The following DLG2 variants were observed in gnomAD, a reference collection of about 807,000 sequenced individuals.
The protein encoded by DLG2 is disks large homolog 2.
A neutral mutation model predicts 132.5 loss-of-function variants in DLG2; 45 were observed. That is an observed-to-expected ratio of 0.34 (90% CI 0.27 to 0.44). The LOEUF (loss-of-function observed/expected upper bound fraction) is 0.44, where lower values mean the gene tolerates loss of function less well. DLG2 is among the 20% of genes least tolerant of loss of function. The pLI, the probability that DLG2 is intolerant of heterozygous loss-of-function variation, is 1.00. For missense variants in DLG2, 1,045 were observed against 1,196.9 expected (o/e 0.87, Z 1.87); for synonymous variants, 424 against 419.6 (o/e 1.01, Z -0.13).
rs1247198447 is a variant in DLG2 at position 85,121,390 on chromosome 11, AAT to A, written c.283-9657_283-9656del. On this transcript the variant is annotated intron_variant, in intron 5 of 27. Transcript: ENST00000376104. ...ATTCTTTTATAGTATATTTATGATA[AAT>A]ATGTTATATATATATTATAAAGTCA... Among the ~76,000 whole-genome samples, 23 of 150,778 alleles carry A rather than the reference AAT, an allele frequency of 1.5e-4. 2 individuals are homozygous for A. The highest frequency in any genetic ancestry group is 5.1e-4 in the African/African-American group (21 of 41,186).
chr11:85,607,099 G>C (rs2080620576), intron 2 of DLG2, among the ~76,000 whole-genome samples: 2 of 152,190 alleles, frequency 1.3e-5, no homozygotes, highest in Non-Finnish European at 2.9e-5. Context: ...CAAGTGGTGA[G>C]TACCATTGGA....
intron 20 of DLG2, among the ~76,000 whole-genome samples, chr11:83,541,214 A>G (rs2096058933): frequency 6.6e-6 from 1 of 152,204 alleles, no homozygotes; most frequent in African/African-American, 2.4e-5. Flanking sequence ...ATTTGAGATG[A>G]AGGTTTTCCA....
intron 6 of DLG2, among the ~76,000 whole-genome samples, chr11:84,986,733 A>C (rs777151591): frequency 4.6e-5 from 7 of 152,214 alleles, no homozygotes; most frequent in Admixed American, 2.0e-4. Flanking sequence ...TAAAACTCTC[A>C]GCAAAATCAG....
At chr11:83,799,733 G>T (rs2043833936) in intron 17 of DLG2, among the ~76,000 whole-genome samples, 1 of 152,152 alleles carries the variant, frequency 6.6e-6, no homozygotes, top group Non-Finnish European at 1.5e-5. Flanking sequence ...AGTGGGTTTG[G>T]GTGGGAGGAT....
At chr11:84,104,918 T>C (rs368735782) in intron 9 of DLG2, among the ~76,000 whole-genome samples, 3 of 152,074 alleles carry the variant, frequency 2.0e-5, no homozygotes, top group East Asian at 3.8e-4. Context: ...TATTCTCTTT[T>C]TATATATTAG....
rs1314671046 is a variant in DLG2 at position 85,501,599 on chromosome 11, AT to A, written c.40+97057del. ...AAAAAAGCAAACAACCCATCAAAAA[AT>A]GGGCAAAGGATATGAACAAACACTT... On this transcript the variant is annotated intron_variant, in intron 3 of 27. Transcript: ENST00000376104. 2.6e-5 allele frequency among the ~76,000 whole-genome samples: 4 copies of A among 152,268 alleles called. No homozygotes were observed. In the East Asian group the frequency reaches 7.7e-4, roughly 29 times the overall value.
At chr11:84,629,615 C>T (rs950444317) in intron 6 of DLG2, among the ~76,000 whole-genome samples, 17 of 152,198 alleles carry the variant, frequency 1.1e-4, no homozygotes, top group Non-Finnish European at 2.1e-4. Flanking sequence ...TTCTAACAAT[C>T]CCTCTGTCAT....
At chr11:85,517,863 T>A in intron 3 of DLG2, among the ~76,000 whole-genome samples, 1 of 152,150 alleles carries the variant, frequency 6.6e-6, no homozygotes, top group Non-Finnish European at 1.5e-5. Context: ...AGGCAGGTCT[T>A]TCCTGTGCTG....
chr11:85,474,726 AG>A (rs1379372899), intron 3 of DLG2, among the ~76,000 whole-genome samples: 2 of 151,770 alleles, frequency 1.3e-5, no homozygotes, highest in Non-Finnish European at 3.0e-5. Flanking sequence ...AAAACAACTA[AG>A]GAATTAATTT....
At chr11:85,516,449 C>A (rs954571600) in intron 3 of DLG2, among the ~76,000 whole-genome samples, 2 of 151,736 alleles carry the variant, frequency 1.3e-5, no homozygotes, top group Admixed American at 6.6e-5. Flanking sequence ...ATGATCAGAG[C>A]AGAATTAAAT....
intron 3 of DLG2, among the ~76,000 whole-genome samples, chr11:85,419,474 T>A (rs1245755434): frequency 1.3e-5 from 2 of 152,240 alleles, no homozygotes; most frequent in Non-Finnish European, 2.9e-5. Context: ...TTGGCCTACC[T>A]TTCTAGGTTG....
At chr11:83,567,932 T>C (rs2096735926) in intron 19 of DLG2, among the ~76,000 whole-genome samples, 1 of 152,102 alleles carries the variant, frequency 6.6e-6, no homozygotes, top group African/African-American at 2.4e-5. Flanking sequence ...AGAGAGTATT[T>C]TGTGTATCCT....
intron 14 of DLG2, among the ~76,000 whole-genome samples, chr11:83,945,806 C>G (rs1015463583): frequency 1.4e-4 from 19 of 136,376 alleles, no homozygotes; most frequent in Non-Finnish European, 2.5e-4. Flanking sequence ...AGAAATGCCT[C>G]TGTGTGTGTG....
chr11:84,628,113 T>C (rs1016105228), intron 6 of DLG2, among the ~76,000 whole-genome samples: 1 of 151,776 alleles, frequency 6.6e-6, no homozygotes, highest in African/African-American at 2.4e-5. Context: ...CACACATATA[T>C]ATATATATAT....
intron 6 of DLG2, among the ~76,000 whole-genome samples, chr11:84,757,065 C>T (rs2066980632): frequency 6.6e-6 from 1 of 152,116 alleles, no homozygotes; most frequent in Non-Finnish European, 1.5e-5. Flanking sequence ...AATAATTATG[C>T]TTGTTAGGTA....
chr11:83,547,727 G>T (rs2096276579), intron 19 of DLG2, among the ~76,000 whole-genome samples: 1 of 152,160 alleles, frequency 6.6e-6, no homozygotes, highest in Non-Finnish European at 1.5e-5. Flanking sequence ...ATCTGTACCA[G>T]ACCTACAGAA....
chr11:84,043,726 C>G (rs938804260), intron 11 of DLG2, among the ~76,000 whole-genome samples: 2 of 151,652 alleles, frequency 1.3e-5, no homozygotes, highest in African/African-American at 4.8e-5. Context: ...CTGTGCTCAT[C>G]ATAATTATCT....
chr11:85,168,573 G>A (rs2078622101), intron 4 of DLG2, among the ~76,000 whole-genome samples: 1 of 152,094 alleles, frequency 6.6e-6, no homozygotes, highest in African/African-American at 2.4e-5. Flanking sequence ...ATCAAAGAAG[G>A]GTTGAGGTGA....
chr11:85,081,239 G>A (rs538036020), intron 6 of DLG2, among the ~76,000 whole-genome samples: 1 of 152,154 alleles, frequency 6.6e-6, no homozygotes, highest in Non-Finnish European at 1.5e-5. Flanking sequence ...AATCAGACAT[G>A]GGAATAGTGT....
Sources: gnomAD v4.1 joint callset for allele counts (sites outside exome capture counted in the v4.1 genomes callset) on GRCh38, gnomAD v4.1.1 for gene constraint, MANE v1.5 for transcripts, NCBI Gene and HGNC (gene_info 2026-07-23, HGNC 2026-07-21) for gene names.